Variants in RAPGEF5 observed in about 807,000 individuals in gnomAD.
The protein encoded by RAPGEF5 is M-Ras-regulated GEF.
In RAPGEF5, 65 loss-of-function variants were observed where a neutral mutation model predicts 125.2. That is an observed-to-expected ratio of 0.52 (90% CI 0.43 to 0.64). The LOEUF is 0.64. Among genes scored for constraint, RAPGEF5 ranks in the 30% least tolerant of loss-of-function variants. The probability of loss-of-function intolerance (pLI) is 0.00; values close to 1 mark genes in which losing one functional copy is unlikely to be tolerated. For synonymous variants in RAPGEF5, 391 were observed against 385.9 expected, an observed-to-expected ratio of 1.01 and a Z score of -0.16; for missense variants, 958 against 1,048.1, an observed-to-expected ratio of 0.91 and a Z score of 1.19.
chr7:22,142,918 G>A (rs140358239), intron 20 of RAPGEF5, among the ~76,000 whole-genome samples: 43 of 152,294 alleles, frequency 2.8e-4, no homozygotes, highest in African/African-American at 1.0e-3. Flanking sequence ...TTAACTTTAT[G>A]TTTCTGTTGG....
chr7:22,158,536 C>T (rs1272467663), intron 14 of RAPGEF5, among the ~76,000 whole-genome samples: 1 of 151,660 alleles, frequency 6.6e-6, no homozygotes, highest in African/African-American at 2.4e-5. Flanking sequence ...TGTACTGGGG[C>T]TAGAGAAAAA....
At chr7:22,224,277 C>CT (rs1178971020) in intron 8 of RAPGEF5, among the ~76,000 whole-genome samples, 1 of 151,604 alleles carries the variant, frequency 6.6e-6, no homozygotes, top group Non-Finnish European at 1.5e-5. Flanking sequence ...TTAAGATGCT[C>CT]TTTTAATCTA....
intron 9 of RAPGEF5, among the ~76,000 whole-genome samples, chr7:22,216,170 A>G (rs1210010539): frequency 6.6e-6 from 1 of 152,114 alleles, no homozygotes; most frequent in Non-Finnish European, 1.5e-5. Context: ...TCACTATGGT[A>G]GCTTTCTAAA....
rs572072212 is a variant in RAPGEF5, at chr7:22,270,431, T to C, written c.748-3419A>G. ...TGAAGAGTCTTTTATAAGACAATGA[T>C]GATTTTTCTACTGTAATCTAACTGT... On this transcript the variant is annotated intron_variant, in intron 6 of 25. Coordinates refer to ENST00000665637, the MANE Select transcript of RAPGEF5 (RefSeq NM_012294.5). Among the ~76,000 whole-genome samples the C allele has an allele frequency of 9.4e-4, 143 of 152,350 alleles. 4 individuals are homozygous for C. The South Asian group carries it at 0.029, about 31-fold the overall frequency.
At position 22,180,422 on chromosome 7, in the gene RAPGEF5, G is replaced by C. The variant is rs112356942; in HGVS notation, c.1204+12945C>G. ...AGCAGAAGCCGTGTGTGACGGGCAAGTGTGCTCTTCATGACTTTCTTCATC... is the reference window on the plus strand; with the variant it reads ...AGCAGAAGCCGTGTGTGACGGGCAACTGTGCTCTTCATGACTTTCTTCATC... On this transcript the variant is annotated intron_variant, in intron 11 of 25. Transcript: ENST00000665637. Among the ~76,000 whole-genome samples the C allele has an allele frequency of 3.4e-4, 52 of 152,310 alleles. 3 individuals are homozygous for C. Among genetic ancestry groups the C allele is most frequent in the African/African-American group, 9.9e-4 (41 of 41,566 alleles).
intron 16 of RAPGEF5, among the ~76,000 whole-genome samples, chr7:22,156,412 G>A (rs147410816): frequency 1.5e-3 from 221 of 152,268 alleles, no homozygotes; most frequent in African/African-American, 5.2e-3. Context: ...GTCATGGACT[G>A]ACTCAGCCCA....
chr7:22,336,966 C>T (rs1255290711), intron 1 of RAPGEF5, among the ~76,000 whole-genome samples: 1 of 152,170 alleles, frequency 6.6e-6, no homozygotes, highest in Non-Finnish European at 1.5e-5. Context: ...GGGCTTCAGA[C>T]TGAGAAAACA....
intron 24 of RAPGEF5, among the ~76,000 whole-genome samples, chr7:22,126,462 G>A (rs551739008): frequency 6.6e-6 from 1 of 152,304 alleles, no homozygotes; most frequent in East Asian, 1.9e-4. Flanking sequence ...GAGGGCTTTG[G>A]ATGTGCAGAG....
At chr7:22,203,684 A>G (rs1314863542) in intron 9 of RAPGEF5, among the ~76,000 whole-genome samples, 4 of 152,206 alleles carry the variant, frequency 2.6e-5, no homozygotes, top group African/African-American at 9.6e-5. Context: ...CCGAGGGAAT[A>G]GGTGAAGGGT....
At chr7:22,343,103 G>A (rs1784159029) in intron 1 of RAPGEF5, among the ~76,000 whole-genome samples, 1 of 152,224 alleles carries the variant, frequency 6.6e-6, no homozygotes, top group Admixed American at 6.5e-5. Flanking sequence ...AGTCCGCATG[G>A]CTGGAGAGGC....
intron 7 of RAPGEF5, among the ~76,000 whole-genome samples, chr7:22,247,984 G>C (rs989863475): frequency 1.3e-5 from 2 of 152,180 alleles, no homozygotes; most frequent in African/African-American, 2.4e-5. Flanking sequence ...ATGAGGGAAA[G>C]AGGGAGGGCA....
chr7:22,203,101 A>T (rs777750391), intron 9 of RAPGEF5, among the ~76,000 whole-genome samples: 8 of 152,192 alleles, frequency 5.3e-5, no homozygotes, highest in Non-Finnish European at 7.4e-5. Context: ...TTTCCACTGC[A>T]ATGCAAACCG....
In RAPGEF5 at chr7:22,194,145, T is replaced by A; in HGVS notation, c.997-112A>T. The A allele has an allele frequency of 4.5e-6, 4 of 885,160 alleles. No individual in the cohort carries two copies. The South Asian group carries it at 6.7e-5, about 15-fold the overall frequency. 54.8% of individuals were successfully genotyped at this position (885,160 alleles called of 1,614,324 possible). ...TGTATTTTCTAGAGTTGCTTTACAG[T>A]ATCATCTCTTCAAAGATTGAGAATA... On this transcript the variant is annotated intron_variant, in intron 9 of 25. Transcript: ENST00000665637.
rs187695295 is a variant in RAPGEF5, at chr7:22,252,379, C to T, written c.796+14585G>A. Among the ~76,000 whole-genome samples the T allele has an allele frequency of 5.9e-4, 90 of 152,320 alleles. 1 individual carries two copies. The highest frequency in any genetic ancestry group is 2.1e-3 in the African/African-American group (88 of 41,572). Reference sequence around the variant, plus strand: ...GCTTTGTCTACTAAGTGTTACACAGCTTGACTGAAGTGCCCCAAGTATTTT... The same window carrying T: ...GCTTTGTCTACTAAGTGTTACACAGTTTGACTGAAGTGCCCCAAGTATTTT... On this transcript the variant is annotated intron_variant, in intron 7 of 25. Transcript: ENST00000665637.
At chr7:22,330,290 G>T (rs1562531901) in intron 1 of RAPGEF5, among the ~76,000 whole-genome samples, 1 of 152,188 alleles carries the variant, frequency 6.6e-6, no homozygotes, top group Non-Finnish European at 1.5e-5. Flanking sequence ...GAAGGATGTT[G>T]GCACTAATGC....
In RAPGEF5 at chr7:22,199,321, C is replaced by T. The variant is rs561946219; in HGVS notation, c.997-5288G>A. Among the ~76,000 whole-genome samples the T allele has an allele frequency of 5.3e-5, 8 of 152,082 alleles. No individual in the cohort carries two copies. In the South Asian group the frequency reaches 1.7e-3, roughly 32 times the overall value. ...ACCAAGGCAGGAAGAGAGCTAAACA[C>T]GGCAGGGACCGGCTTTAGAGGAAGG... is the stretch of plus-strand genomic sequence containing the variant. On this transcript the variant is annotated intron_variant, in intron 9 of 25. Coordinates refer to ENST00000665637, the MANE Select transcript of RAPGEF5 (RefSeq NM_012294.5).
chr7:22,147,452 T>C (rs567906006), intron 18 of RAPGEF5, among the ~76,000 whole-genome samples: 1 of 152,372 alleles, frequency 6.6e-6, no homozygotes, highest in African/African-American at 2.4e-5. Flanking sequence ...ACATGGCGTT[T>C]ACAGGAAATA....
At chr7:22,152,721 G>A (rs551797872) in intron 17 of RAPGEF5, among the ~76,000 whole-genome samples, 2 of 152,130 alleles carry the variant, frequency 1.3e-5, no homozygotes, top group East Asian at 1.9e-4. Flanking sequence ...TTTGAAGTAG[G>A]ACTAAAATAT....
rs78842911 is a variant in RAPGEF5, at chr7:22,290,941, C to T, written c.747+234G>A. Among the ~76,000 whole-genome samples the T allele has an allele frequency of 7.7e-3, 1,168 of 152,198 alleles. 11 individuals are homozygous for T. The highest frequency in any genetic ancestry group is 0.013 in the Non-Finnish European group (880 of 68,016). The stretch of plus-strand genomic sequence containing the variant: ...AAATCAGATACTACACCTCCACCTC[C>T]ACAAAGGTTGCAGGAACTTTCCACC... On this transcript the variant is annotated intron_variant, in intron 6 of 25. Transcript: ENST00000665637.
Sources: gnomAD v4.1 joint callset for allele counts (sites outside exome capture counted in the v4.1 genomes callset) on GRCh38, gnomAD v4.1.1 for gene constraint, MANE v1.5 for transcripts, NCBI Gene and HGNC (gene_info 2026-07-23, HGNC 2026-07-21) for gene names.